The following PALM2AKAP2 variants were observed in gnomAD, a reference collection of about 807,000 sequenced individuals.
PALM2AKAP2 encodes PALM2-AKAP2 fusion protein.
In PALM2AKAP2, 37 loss-of-function variants were observed where a neutral mutation model predicts 71.5. The observed-to-expected ratio is 0.52, with a 90% confidence interval of 0.40 to 0.68. The LOEUF is 0.68. PALM2AKAP2 is among the 30% of genes least tolerant of loss of function. The probability of loss-of-function intolerance (pLI) is 0.00; values close to 1 mark genes in which losing one functional copy is unlikely to be tolerated. For missense variants in PALM2AKAP2, 1,224 were observed against 1,191.8 expected (o/e 1.03, Z -0.40); for synonymous variants, 468 against 478.8 (o/e 0.98, Z 0.29).
intron 4 of PALM2AKAP2, 88 bp from the exon 5 acceptor site, chr9:109,924,973 A>C: frequency 6.3e-7 from 1 of 1,594,420 alleles, no homozygotes; most frequent in Non-Finnish European, 8.6e-7. Flanking sequence ...GCATGGGAGA[A>C]AGATGGGTTA....
chr9:109,669,692 AT>A (rs1827545854), intron 1 of PALM2AKAP2, among the ~76,000 whole-genome samples: 1 of 151,690 alleles, frequency 6.6e-6, no homozygotes, highest in Non-Finnish European at 1.5e-5. Context: ...TTTTCAGGAA[AT>A]TTTTGGTAAT....
At chr9:109,655,113 G>T (rs1407463115) in intron 1 of PALM2AKAP2, among the ~76,000 whole-genome samples, 1 of 151,996 alleles carries the variant, frequency 6.6e-6, no homozygotes, top group Non-Finnish European at 1.5e-5. Context: ...TGGTCTCAGG[G>T]TTTCACCATG....
At chr9:109,955,683 T>A (rs1165731921) in intron 6 of PALM2AKAP2, among the ~76,000 whole-genome samples, 1 of 152,190 alleles carries the variant, frequency 6.6e-6, no homozygotes, top group Non-Finnish European at 1.5e-5. Flanking sequence ...TCACAGAAGC[T>A]TGATAATTCA....
chr9:110,029,112 A>G (rs1833233857), intron 7 of PALM2AKAP2, among the ~76,000 whole-genome samples: 1 of 152,176 alleles, frequency 6.6e-6, no homozygotes. Flanking sequence ...GATCCATGCC[A>G]AGATTTGTAC....
At chr9:109,954,739 A>C (rs1396731040) in intron 6 of PALM2AKAP2, among the ~76,000 whole-genome samples, 1 of 151,304 alleles carries the variant, frequency 6.6e-6, no homozygotes, top group East Asian at 1.9e-4. Context: ...GAAAATGGTT[A>C]TGCAGATTCT....
At position 109,652,063 on chromosome 9, in the gene PALM2AKAP2, G is replaced by A. The variant is rs141013057; in HGVS notation, c.5+11197G>A. Reference sequence around the variant, plus strand: ...GTCAATTAAGTCTATACCATCATGTGTAATCTTTTTCACAGATAGTACAAA... The same window carrying A: ...GTCAATTAAGTCTATACCATCATGTATAATCTTTTTCACAGATAGTACAAA... On this transcript the variant is annotated intron_variant, in intron 1 of 6. Transcript: ENST00000374531. Among the ~76,000 whole-genome samples the A allele has an allele frequency of 3.8e-3, 584 of 152,250 alleles. 4 individuals carry two copies. Among genetic ancestry groups the A allele is most frequent in the African/African-American group, 0.013 (547 of 41,536 alleles).
chr9:110,153,877 G>A (rs1166628467), intron 2 of PALM2AKAP2, among the ~76,000 whole-genome samples: 4 of 152,218 alleles, frequency 2.6e-5, no homozygotes, highest in African/African-American at 9.6e-5. Flanking sequence ...ATAAACAGGA[G>A]TTCCACTGTG....
chr9:109,946,722 C>T (rs1451429005), intron 6 of PALM2AKAP2: 4 of 136,870 alleles, frequency 2.9e-5, no homozygotes, highest in Non-Finnish European at 6.2e-5. Flanking sequence ...ATCATATAAT[C>T]AGTTCCCTTT....
intron 1 of PALM2AKAP2, among the ~76,000 whole-genome samples, chr9:110,059,135 A>G (rs1238040515): frequency 2.6e-5 from 4 of 152,076 alleles, no homozygotes; most frequent in Non-Finnish European, 5.9e-5. Context: ...CCTGACCTCA[A>G]GTGATCCGTC....
chr9:109,644,555 A>G (rs1247603482), intron 1 of PALM2AKAP2, among the ~76,000 whole-genome samples: 3 of 152,196 alleles, frequency 2.0e-5, no homozygotes, highest in Non-Finnish European at 2.9e-5. Context: ...ATGTGTGTAT[A>G]CTGATTGAAT....
chr9:109,983,759 G>C (rs1475902812), intron 6 of PALM2AKAP2, among the ~76,000 whole-genome samples: 1 of 151,984 alleles, frequency 6.6e-6, no homozygotes, highest in Non-Finnish European at 1.5e-5. Context: ...GAGCTACTTG[G>C]GAGGCTGAGG....
chr9:110,137,675 G>T lies in PALM2AKAP2; in HGVS notation c.1705G>T (p.Val569Leu), dbSNP rs1334446809. 1.2e-6 allele frequency: 2 copies of T among 1,613,892 alleles called. No homozygotes were observed. The highest frequency in any genetic ancestry group is 1.7e-6 in the Non-Finnish European group (2 of 1,179,988). ...TGACTCTGGTCTGGACGAATTGTCG[G>T]TGAGGTCTCAGGATACCACAGTCCT... Residue 569 changes from valine to leucine, a missense_variant, in exon 2 of 4, where the codon GTG becomes TTG. Val to Leu is a conservative substitution (Grantham distance 32). Transcript: ENST00000374525.
chr9:110,046,980 G>C (rs569125149), upstream of PALM2AKAP2, among the ~76,000 whole-genome samples: 1 of 152,058 alleles, frequency 6.6e-6, no homozygotes, highest in African/African-American at 2.4e-5. Flanking sequence ...TTTAATGTGA[G>C]TTTTTCACAT....
intron 1 of PALM2AKAP2, among the ~76,000 whole-genome samples, chr9:109,804,740 A>C (rs1198542904): frequency 1.3e-5 from 2 of 152,150 alleles, no homozygotes; most frequent in East Asian, 3.8e-4. Context: ...TTCCAGGATA[A>C]AGGATTTTTT....
intron 3 of PALM2AKAP2, among the ~76,000 whole-genome samples, chr9:109,919,622 T>C (rs1364926577): frequency 2.0e-5 from 3 of 152,000 alleles, no homozygotes; most frequent in African/African-American, 7.3e-5. Context: ...TTGGGATATA[T>C]ATAAATACAT....
intron 1 of PALM2AKAP2, among the ~76,000 whole-genome samples, chr9:109,704,407 G>A (rs1052971934): frequency 6.6e-6 from 1 of 152,206 alleles, no homozygotes; most frequent in Admixed American, 6.5e-5. Context: ...TTGTATAAAT[G>A]TGTGAATTAT....
intron 2 of PALM2AKAP2, among the ~76,000 whole-genome samples, chr9:110,142,696 C>T (rs912902275): frequency 1.4e-4 from 22 of 152,174 alleles, no homozygotes; most frequent in Middle Eastern, 6.8e-3. Flanking sequence ...GAAGGAAGGG[C>T]ACCTAAGAGA....
chr9:109,734,410 A>T (rs992195165), intron 1 of PALM2AKAP2, among the ~76,000 whole-genome samples: 6 of 152,212 alleles, frequency 3.9e-5, no homozygotes, highest in Non-Finnish European at 7.3e-5. Context: ...CACATTTGTC[A>T]ATTTAAATTT....
At chr9:110,062,993 G>A (rs895429238) in intron 1 of PALM2AKAP2, among the ~76,000 whole-genome samples, 19 of 152,106 alleles carry the variant, frequency 1.2e-4, no homozygotes, top group Non-Finnish European at 2.6e-4. Context: ...TTATACAGGC[G>A]CAGTCACCCA....
Sources: allele counts gnomAD v4.1 joint callset (sites outside exome capture counted in the v4.1 genomes callset), GRCh38; gene constraint gnomAD v4.1.1; transcripts MANE v1.5; gene names NCBI Gene and HGNC (gene_info 2026-07-23, HGNC 2026-07-21).